The following SLC26A4 variants were observed in gnomAD, a reference collection of about 807,000 sequenced individuals.
The protein encoded by SLC26A4 is pendrin.
A neutral mutation model predicts 90.4 loss-of-function variants in SLC26A4; 93 were observed. The ratio of observed to expected loss-of-function variants is 1.03; its 90% CI spans 0.87 to 1.22. The LOEUF (loss-of-function observed/expected upper bound fraction) is 1.22. Among genes scored for constraint, SLC26A4 ranks in the 50% most tolerant of loss-of-function variants. The probability of loss-of-function intolerance (pLI) is 0.00; values close to 1 mark genes in which losing one functional copy is unlikely to be tolerated. For missense variants in SLC26A4, 1,127 were observed against 946.2 expected (o/e 1.19, Z -2.51); for synonymous variants, 393 against 354.6 (o/e 1.11, Z -1.22).
intron 18 of SLC26A4, among the ~76,000 whole-genome samples, chr7:107,707,474 A>G (rs1215465567): frequency 6.6e-6 from 1 of 152,238 alleles, no homozygotes; most frequent in Non-Finnish European, 1.5e-5. Flanking sequence ...GAGCTTTCAG[A>G]AAAAGTATCA....
intron 18 of SLC26A4, among the ~76,000 whole-genome samples, chr7:107,708,276 T>C (rs1306759466): frequency 6.6e-6 from 1 of 152,228 alleles, no homozygotes; most frequent in Non-Finnish European, 1.5e-5. Context: ...TGCTTAAACC[T>C]TCATTTGGTC....
intron 10 of SLC26A4, chr7:107,693,661 A>G: frequency 7.1e-6 from 7 of 989,290 alleles, no homozygotes; most frequent in Non-Finnish European, 8.4e-6. Flanking sequence ...TCTCCTAACT[A>G]GTATGGATCT....
At chr7:107,701,351 G>GTC (rs1791880498) in intron 16 of SLC26A4, among the ~76,000 whole-genome samples, 155 bp downstream of exon 16, 1 of 152,186 alleles carries the variant, frequency 6.6e-6, no homozygotes, top group Non-Finnish European at 1.5e-5. Flanking sequence ...ATTCTTATAG[G>GTC]CAAGCGGGAG....
intron 8 of SLC26A4, among the ~76,000 whole-genome samples, chr7:107,687,485 A>G (rs528319178): frequency 2.2e-4 from 33 of 152,272 alleles, no homozygotes; most frequent in African/African-American, 7.9e-4. Context: ...ACTTACTTAC[A>G]CAAGTGATTC....
At chr7:107,693,760 C>T in intron 10 of SLC26A4, 1 of 985,436 alleles carries the variant, frequency 1.0e-6, no homozygotes, top group Non-Finnish European at 1.2e-6. Context: ...GTCACTGTTT[C>T]AGGCTGCCTT....
chr7:107,689,064 CT>C lies in SLC26A4; in HGVS notation c.1014del (p.Glu339AsnfsTer5). ...TAAAAACTCACTAGGTTTTTGCCTC[CT>C]GAACTTCCACCTGTGAGCTTGTTCT... The part of the protein sequence containing the change: ...VKSIPRGFLP[P>X]ELPPVSLFSE... On this transcript the variant is annotated frameshift_variant, in exon 9 of 21. Transcript: ENST00000644269. LOFTEE classifies it high-confidence loss of function. The C allele has an allele frequency of 1.9e-6, 3 of 1,613,852 alleles. No homozygotes were observed. The highest frequency in any genetic ancestry group is 2.5e-6 in the Non-Finnish European group (3 of 1,179,796).
Position 107,672,239 on chromosome 7 carries a change from AT to A in SLC26A4, c.407del (p.Ile136ThrfsTer9), listed in dbSNP as rs1562822675. 1.3e-6 allele frequency: 2 copies of A among 1,576,088 alleles called. No individual in the cohort carries two copies. The highest frequency in any genetic ancestry group is 2.2e-5 in the South Asian group (2 of 90,266). On this transcript the variant is annotated frameshift_variant, in exon 4 of 21. Transcript: ENST00000644269. LOFTEE classifies it high-confidence loss of function. ...TYFIFGTSRH[I>X]SVGPFPVVSL... is the part of the protein sequence containing the mutation. ...CTTTATCTTTGGAACATCAAGACAT[AT>A]CTCAGTTGGTAATTATAAGTATATT...
Position 107,663,421 on chromosome 7 carries a change from T to C in SLC26A4, c.290T>C (p.Val97Ala), listed in dbSNP as rs1223360265. ...ATTTCGGGAGTTAGTACTGGGCTAG[T>C]GGCCACGCTGCAAGGTAAGATGTTG... ...DVISGVSTGL[V>A]ATLQGMAYAL... is the part of the protein sequence containing the mutation. The change falls in exon 3 of 21, where the codon GTG becomes GCG. Residue 97 changes from valine to alanine, a missense_variant. By Grantham distance (64) the Val-to-Ala change is moderately conservative. Coordinates refer to ENST00000644269, the MANE Select transcript of SLC26A4 (RefSeq NM_000441.2). 2.5e-6 allele frequency: 4 copies of C among 1,613,938 alleles called. No homozygotes were observed. In the Admixed American group the frequency reaches 5.0e-5, roughly 20 times the overall value.
intron 10 of SLC26A4, among the ~76,000 whole-genome samples, chr7:107,691,139 A>ACACG (rs1278351734): frequency 1.3e-5 from 2 of 148,472 alleles, no homozygotes; most frequent in Non-Finnish European, 3.0e-5. Context: ...ACACACACAC[A>ACACG]CACATGCACA....
intron 10 of SLC26A4, chr7:107,693,683 T>C: frequency 1.0e-6 from 1 of 991,856 alleles, no homozygotes; most frequent in East Asian, 1.1e-4. Context: ...AGGAGAGCTA[T>C]TTTTGCCAGC....
At chr7:107,709,992 C>A in intron 18 of SLC26A4, 62 bp from the exon 19 acceptor site, 1 of 1,460,618 alleles carries the variant, frequency 6.8e-7, no homozygotes, top group South Asian at 1.2e-5. Context: ...GACTCTGTCT[C>A]AAAAACAAAC....
chr7:107,687,012 G>A (rs1791440420), intron 8 of SLC26A4, among the ~76,000 whole-genome samples: 1 of 152,182 alleles, frequency 6.6e-6, no homozygotes, highest in Non-Finnish European at 1.5e-5. Context: ...GAGTGGTGGT[G>A]CATTTGCCAA....
rs1790571678 is a variant in SLC26A4, at chr7:107,661,975, T to G, written c.164+170T>G. On this transcript the variant is annotated intron_variant, in intron 2 of 20. Coordinates refer to ENST00000644269, the MANE Select transcript of SLC26A4 (RefSeq NM_000441.2). This position sits in a 1 kb window ranked among gnomAD's most constrained non-coding sequence, Gnocchi z 5.1. Reference sequence around the variant, plus strand: ...CGGTCTCCGGTCCTCCACGCCGCCCTTCTGGTGGGAGGGTGGCTCCATCAG... The same window carrying G: ...CGGTCTCCGGTCCTCCACGCCGCCCGTCTGGTGGGAGGGTGGCTCCATCAG... 4.3e-6 allele frequency: 3 copies of G among 705,016 alleles called. No individual in the cohort carries two copies. The South Asian group carries it at 5.7e-5, about 13-fold the overall frequency. The allele number at this position is 705,016 out of a possible 1,614,324, so 43.7% of individuals were successfully genotyped here. A position where few individuals can be genotyped will look rare whatever the true frequency, so the allele number is the denominator to read the frequency against.
At chr7:107,713,368 C>T (rs1353498259) in intron 20 of SLC26A4, among the ~76,000 whole-genome samples, 3 of 152,218 alleles carry the variant, frequency 2.0e-5, no homozygotes, top group African/African-American at 4.8e-5. Flanking sequence ...GGTTGGAAGT[C>T]TCTAAATGTT....
intron 6 of SLC26A4, among the ~76,000 whole-genome samples, chr7:107,680,287 T>TATTATATAATATA (rs1791186835): frequency 2.0e-5 from 2 of 97,958 alleles, no homozygotes; most frequent in South Asian, 5.4e-4. Flanking sequence ...AATATAATCT[T>TATTATATAATATA]ATCTTATTAT....
rs1554359054 is a variant in SLC26A4, at chr7:107,691,512, T to TCTACAC, written c.1263+1275_1263+1276insCTACAC. ...AGCTAGACTCTGTGTCAAATATATA[T>TCTACAC]ATACACACACACACACACACACACA... On this transcript the variant is annotated intron_variant, in intron 10 of 20. Coordinates refer to ENST00000644269, the MANE Select transcript of SLC26A4 (RefSeq NM_000441.2). Among the ~76,000 whole-genome samples, 367 of 110,554 alleles carry TCTACAC rather than the reference T, an allele frequency of 3.3e-3. 4 individuals carry two copies. The highest frequency in any genetic ancestry group is 0.014 in the African/African-American group (354 of 25,274). The allele number at this position is 110,554 out of a possible 152,430, so 72.5% of individuals were successfully genotyped here. A position where few individuals can be genotyped will look rare whatever the true frequency, so the allele number is the denominator to read the frequency against.
At chr7:107,685,652 T>C (rs1450527134) in intron 8 of SLC26A4, among the ~76,000 whole-genome samples, 1 of 152,192 alleles carries the variant, frequency 6.6e-6, no homozygotes, top group Non-Finnish European at 1.5e-5. Flanking sequence ...ACATACAACT[T>C]TTCCTTGTCC....
chr7:107,671,718 G>A (rs1157313098), intron 3 of SLC26A4, among the ~76,000 whole-genome samples: 3 of 152,200 alleles, frequency 2.0e-5, no homozygotes, highest in African/African-American at 4.8e-5. Flanking sequence ...TCTTTCTGCA[G>A]TAGAAAGACA....
intron 3 of SLC26A4, 88 bp downstream of exon 3, chr7:107,663,523 C>T: frequency 6.9e-7 from 1 of 1,455,174 alleles, no homozygotes; most frequent in Non-Finnish European, 9.6e-7. Flanking sequence ...CAGATGGTTG[C>T]TTACCCTTCA....
Sources: allele counts gnomAD v4.1 joint callset (sites outside exome capture counted in the v4.1 genomes callset), GRCh38; gene constraint gnomAD v4.1.1; non-coding constraint Gnocchi (gnomAD v3.1); transcripts MANE v1.5; gene names NCBI Gene and HGNC (gene_info 2026-07-23, HGNC 2026-07-21).